The following TMED3 variants were observed in gnomAD, a reference collection of about 807,000 sequenced individuals.
The protein encoded by TMED3 is transmembrane emp24 domain-containing protein 3.
TMED3 carries 9 observed loss-of-function variants against 15.0 expected under a neutral mutation model. The observed-to-expected ratio is 0.60, with a 90% confidence interval of 0.36 to 1.04. The LOEUF (loss-of-function observed/expected upper bound fraction) is 1.04. Ranked by LOEUF, TMED3 falls within the 50% of genes least tolerant of loss-of-function variation. The pLI is 0.01. For synonymous variants in TMED3, 117 were observed against 121.4 expected, an observed-to-expected ratio of 0.96 and a Z score of 0.24; for missense variants, 267 against 278.9, an observed-to-expected ratio of 0.96 and a Z score of 0.30.
intron 2 of TMED3, among the ~76,000 whole-genome samples, chr15:79,316,220 C>T (rs1295291391): frequency 3.9e-5 from 6 of 152,162 alleles, no homozygotes; most frequent in Admixed American, 3.9e-4. Flanking sequence ...TGACCAGGGC[C>T]CAGGCCAGGG....
chr15:79,364,148 G>T (rs904474686), intron 2 of TMED3, among the ~76,000 whole-genome samples: 2 of 152,104 alleles, frequency 1.3e-5, no homozygotes, highest in African/African-American at 4.8e-5. Context: ...TTGCCGGTTG[G>T]CCCTTCACAG....
chr15:79,392,862 A>G (rs1360890488), intron 2 of TMED3, among the ~76,000 whole-genome samples: 3 of 152,190 alleles, frequency 2.0e-5, no homozygotes, highest in Non-Finnish European at 4.4e-5. Flanking sequence ...CAGTGACACA[A>G]AGCTAAAGGC....
intron 2 of TMED3, among the ~76,000 whole-genome samples, chr15:79,388,936 A>T (rs899080612): frequency 1.3e-5 from 2 of 149,098 alleles, no homozygotes; most frequent in African/African-American, 4.9e-5. Flanking sequence ...TTTTGATGAG[A>T]TTGTTTTTTT....
intron 1 of TMED3, among the ~76,000 whole-genome samples, chr15:79,312,649 G>A (rs2058720826): frequency 6.6e-6 from 1 of 152,164 alleles, no homozygotes; most frequent in Admixed American, 6.5e-5. Flanking sequence ...CTACCTGTGA[G>A]ATTTTGCTTT....
Position 79,348,421 on chromosome 15 carries a change from C to T in TMED3, c.417+34416C>T, listed in dbSNP as rs573986367. Among the ~76,000 whole-genome samples the T allele has an allele frequency of 1.1e-3, 162 of 152,042 alleles. 3 individuals are homozygous for T. Among genetic ancestry groups the T allele is most frequent in the Admixed American group, 0.01 (157 of 15,260 alleles). On this transcript the variant is annotated intron_variant, in intron 2 of 2. Coordinates refer to the TMED3 transcript ENST00000424155. ...CCTGTTGTTTGCAATAGTAAAAAACCGAAAGTGAATTTACACATAAGAATG... is the reference window on the plus strand; with the variant it reads ...CCTGTTGTTTGCAATAGTAAAAAACTGAAAGTGAATTTACACATAAGAATG...
chr15:79,387,521 T>C (rs1054167486), intron 2 of TMED3, among the ~76,000 whole-genome samples: 1 of 152,188 alleles, frequency 6.6e-6, no homozygotes, highest in African/African-American at 2.4e-5. Context: ...TCTTGGCTAT[T>C]CTTAGCTGTT....
intron 2 of TMED3, among the ~76,000 whole-genome samples, chr15:79,359,616 A>G (rs962398238): frequency 6.6e-6 from 1 of 152,084 alleles, no homozygotes; most frequent in African/African-American, 2.4e-5. Flanking sequence ...GGGTAAGGGG[A>G]AAAAAAGAGG....
downstream of TMED3, among the ~76,000 whole-genome samples, chr15:79,327,226 C>T (rs7165576): frequency 0.18 from 27,442 of 152,126 alleles, 2,470 homozygotes; most frequent in Admixed American, 0.24. Context: ...GTCCCTAGCC[C>T]CTTCTGCCAC....
At chr15:79,338,566 T>C (rs1325185132) in intron 2 of TMED3, among the ~76,000 whole-genome samples, 1 of 152,202 alleles carries the variant, frequency 6.6e-6, no homozygotes, top group African/African-American at 2.4e-5. Flanking sequence ...AAAATAAGAA[T>C]AGTTATACCA....
chr15:79,365,676 C>T (rs947655766), intron 2 of TMED3, among the ~76,000 whole-genome samples: 7 of 152,296 alleles, frequency 4.6e-5, no homozygotes, highest in East Asian at 1.9e-4. Context: ...ATAAGGTGAA[C>T]GTAGAGTAGC....
chr15:79,403,685 A>G (rs1172564586), intron 2 of TMED3, among the ~76,000 whole-genome samples: 1 of 152,238 alleles, frequency 6.6e-6, no homozygotes, highest in Non-Finnish European at 1.5e-5. Context: ...ACCAGGTGGT[A>G]GTCATAGCTG....
chr15:79,386,360 A>G (rs1434477859), intron 2 of TMED3, among the ~76,000 whole-genome samples: 1 of 151,866 alleles, frequency 6.6e-6, no homozygotes, highest in African/African-American at 2.4e-5. Flanking sequence ...TTTTCAGAGC[A>G]CTCTCCTCAT....
At chr15:79,386,748 C>T (rs1893632223) in intron 2 of TMED3, among the ~76,000 whole-genome samples, 1 of 142,186 alleles carries the variant, frequency 7.0e-6, no homozygotes, top group Non-Finnish European at 1.5e-5. Context: ...GGGGTTTCAC[C>T]ATGTTGGCCA....
chr15:79,361,696 C>G (rs1893129573), intron 2 of TMED3, among the ~76,000 whole-genome samples: 1 of 139,090 alleles, frequency 7.2e-6, no homozygotes, highest in South Asian at 2.6e-4. Flanking sequence ...TCCCCAATAA[C>G]TTATGGAAAT....
At position 79,322,044 on chromosome 15, in the gene TMED3, C is replaced by G; in HGVS notation, c.484C>G (p.Arg162Gly). 1.2e-6 allele frequency: 2 copies of G among 1,614,228 alleles called. No homozygotes were observed. The highest frequency in any genetic ancestry group is 1.7e-6 in the Non-Finnish European group (2 of 1,180,036). The change falls in exon 3 of 3, where the codon CGG becomes GGG. Residue 162 changes from arginine (R) to glycine (G), a missense_variant. Transcript: ENST00000299705. Reference sequence around the variant, plus strand: ...GGTGATTGACTCCCAGACGCATTACCGGCTGCGGGAGGCCCAGGACCGGGC... The same window carrying G: ...GGTGATTGACTCCCAGACGCATTACGGGCTGCGGGAGGCCCAGGACCGGGC... The part of the protein sequence containing the change: ...KTVIDSQTHY[R>G]LREAQDRARA...
chr15:79,380,324 T>C (rs1893499936), intron 2 of TMED3, among the ~76,000 whole-genome samples: 2 of 151,492 alleles, frequency 1.3e-5, no homozygotes, highest in South Asian at 4.2e-4. Flanking sequence ...TACTCCAGCC[T>C]GGGCGACAGA....
intron 2 of TMED3, among the ~76,000 whole-genome samples, chr15:79,344,928 G>A (rs1027885673): frequency 1.3e-5 from 2 of 152,158 alleles, no homozygotes; most frequent in African/African-American, 2.4e-5. Flanking sequence ...AGGAGATGTG[G>A]AAGAGACTGT....
chr15:79,413,354 C>G (rs765774620), exon 3 of TMED3: 1 of 152,228 alleles, frequency 6.6e-6, no homozygotes, highest in Non-Finnish European at 1.5e-5. Flanking sequence ...CTCTGTGATC[C>G]ACCCAATTAT....
intron 2 of TMED3, among the ~76,000 whole-genome samples, chr15:79,402,090 GAAAGGGAGCGTGCAGGGTGAAGAAGGA>G (rs1375525521): frequency 6.6e-6 from 1 of 152,208 alleles, no homozygotes; most frequent in Non-Finnish European, 1.5e-5. Flanking sequence ...AGGAGGAAGG[GAAAGGGAGCGTGCAGGGTGAAGAAGGA>G]AAAGCTGATC....
Sources: gnomAD v4.1 joint callset for allele counts (sites outside exome capture counted in the v4.1 genomes callset) on GRCh38, gnomAD v4.1.1 for gene constraint, MANE v1.5 for transcripts, NCBI Gene and HGNC (gene_info 2026-07-23, HGNC 2026-07-21) for gene names.